SDHC: variants seen among roughly 807,000 people sequenced by gnomAD.
SDHC encodes succinate dehydrogenase complex subunit C, also known as succinate dehydrogenase cytochrome b560 subunit, mitochondrial.
Under a neutral mutation model 22.6 loss-of-function variants are expected in SDHC, and 11 were observed. The observed-to-expected ratio is 0.49, with a 90% CI of 0.31 to 0.81. The LOEUF is 0.81. SDHC is among the 30% of genes least tolerant of loss of function. SDHC has a pLI of 0.05. For synonymous variants in SDHC, 80 were observed against 77.8 expected (o/e 1.03, Z -0.15); for missense variants, 160 against 212.0 (o/e 0.75, Z 1.52).
At chr1:161,358,842 C>T (rs528977952) in intron 5 of SDHC, among the ~76,000 whole-genome samples, 2 of 149,730 alleles carry the variant, frequency 1.3e-5, no homozygotes, top group South Asian at 4.3e-4. Flanking sequence ...AGGAGACTTG[C>T]TTGAACCCGG....
chr1:161,330,826 C>A (rs1045478709), intron 3 of SDHC, among the ~76,000 whole-genome samples: 2 of 151,864 alleles, frequency 1.3e-5, no homozygotes, highest in African/African-American at 4.8e-5. Flanking sequence ...ATGGTGAAAC[C>A]CTGTCTCTAC....
intron 4 of SDHC, among the ~76,000 whole-genome samples, chr1:161,346,000 C>T (rs1443682707): frequency 2.0e-5 from 3 of 151,358 alleles, no homozygotes; most frequent in Non-Finnish European, 2.9e-5. Flanking sequence ...GAGACAGGGT[C>T]TCACTATTTG....
intron 2 of SDHC, among the ~76,000 whole-genome samples, chr1:161,325,862 A>C (rs1435801498): frequency 6.6e-6 from 1 of 152,166 alleles, no homozygotes; most frequent in Non-Finnish European, 1.5e-5. Flanking sequence ...CCCAACAAGA[A>C]GTTGTGCTTT....
At chr1:161,333,332 A>G (rs1671352116) in intron 3 of SDHC, among the ~76,000 whole-genome samples, 1 of 150,282 alleles carries the variant, frequency 6.7e-6, no homozygotes, top group South Asian at 2.1e-4. Flanking sequence ...GTGTGCACAT[A>G]TGTTTCATTT....
At chr1:161,322,387 T>A (rs981505921) in intron 1 of SDHC, among the ~76,000 whole-genome samples, 3 of 152,000 alleles carry the variant, frequency 2.0e-5, no homozygotes, top group Non-Finnish European at 4.4e-5. Flanking sequence ...TCAGTAAAAA[T>A]TTTTTTTATT....
intron 2 of SDHC, among the ~76,000 whole-genome samples, chr1:161,328,001 C>G (rs1392542187): frequency 3.4e-5 from 5 of 147,430 alleles, no homozygotes; most frequent in African/African-American, 1.0e-4. Context: ...TAAAAAGATA[C>G]TGCAAATTTT....
At chr1:161,351,521 T>G (rs566062976) in intron 4 of SDHC, among the ~76,000 whole-genome samples, 1 of 152,352 alleles carries the variant, frequency 6.6e-6, no homozygotes, top group Non-Finnish European at 1.5e-5. Context: ...ATAGTTAATC[T>G]TATACCTCTC....
intron 4 of SDHC, among the ~76,000 whole-genome samples, chr1:161,356,246 C>T (rs1044762704): frequency 6.6e-6 from 1 of 151,934 alleles, no homozygotes; most frequent in Non-Finnish European, 1.5e-5. Context: ...TTTAAATCTT[C>T]TCCTTTTCAA....
At chr1:161,319,948 G>T (rs945154352) in intron 1 of SDHC, among the ~76,000 whole-genome samples, 2 of 152,180 alleles carry the variant, frequency 1.3e-5, no homozygotes, top group African/African-American at 4.8e-5. Flanking sequence ...TGTGAAGTGC[G>T]TTGTTTGCCC....
At chr1:161,331,778 G>T (rs577801716) in intron 3 of SDHC, among the ~76,000 whole-genome samples, 3 of 150,656 alleles carry the variant, frequency 2.0e-5, no homozygotes, top group African/African-American at 7.3e-5. Flanking sequence ...TGTATTTTTC[G>T]TAGAGACGGG....
rs146225427 is a variant in SDHC at position 161,336,228 on chromosome 1, G to T, written c.180-4366G>T. On this transcript the variant is annotated intron_variant, in intron 3 of 5. Transcript: ENST00000367975. ...AATCCCAGCACTTTGAGATGCCAAGGTGGGTGGATCATGAGGTCAAGAGAT... is the reference window on the plus strand; with the variant it reads ...AATCCCAGCACTTTGAGATGCCAAGTTGGGTGGATCATGAGGTCAAGAGAT... 6.7e-3 allele frequency among the ~76,000 whole-genome samples: 1,023 copies of T among 152,284 alleles called. 5 individuals are homozygous for T. Among genetic ancestry groups the T allele is most frequent in the African/African-American group, 0.023 (965 of 41,558 alleles).
chr1:161,323,250 G>A (rs1320464540), intron 1 of SDHC, among the ~76,000 whole-genome samples: 8 of 151,566 alleles, frequency 5.3e-5, no homozygotes, highest in East Asian at 2.0e-4. Flanking sequence ...CGTCCGCCTC[G>A]GCCTCCCAAA....
At chr1:161,361,842 C>CAAAAAA (rs35337467) in intron 5 of SDHC, among the ~76,000 whole-genome samples, 14 of 54,794 alleles carry the variant, frequency 2.6e-4, no homozygotes, top group East Asian at 1.3e-3. Context: ...GAGTCCGTCT[C>CAAAAAA]AAAAAAAAAA....
intron 2 of SDHC, among the ~76,000 whole-genome samples, chr1:161,324,663 TGTA>T (rs527363520): frequency 9.0e-4 from 137 of 152,320 alleles, no homozygotes; most frequent in Non-Finnish European, 1.7e-3. Context: ...AATGATTTAG[TGTA>T]GTTCAGCCGA....
intron 4 of SDHC, among the ~76,000 whole-genome samples, chr1:161,340,886 C>T (rs1043100785): frequency 1.3e-5 from 2 of 152,112 alleles, no homozygotes; most frequent in Non-Finnish European, 2.9e-5. Context: ...CTCTTTTGCC[C>T]AGGCTGGAGT....
intron 4 of SDHC, among the ~76,000 whole-genome samples, chr1:161,352,980 GA>G (rs935328794): frequency 2.7e-5 from 4 of 150,020 alleles, no homozygotes; most frequent in African/African-American, 7.3e-5. Context: ...CCGTCTCAAA[GA>G]AAAAAAAAGA....
intron 4 of SDHC, 136 bp from the exon 5 acceptor site, chr1:161,356,541 G>GA: frequency 1.0e-6 from 1 of 967,648 alleles, no homozygotes. Flanking sequence ...TCTGTCTCAA[G>GA]AAAAAAAGAA....
At chr1:161,317,049 C>T (rs1332684052) in intron 1 of SDHC, among the ~76,000 whole-genome samples, 5 of 144,678 alleles carry the variant, frequency 3.5e-5, no homozygotes, top group Non-Finnish European at 7.5e-5. Flanking sequence ...GACGGAGTCT[C>T]GGTCTGTCAC....
chr1:161,320,614 A>G (rs186549246), intron 1 of SDHC, among the ~76,000 whole-genome samples: 5 of 152,230 alleles, frequency 3.3e-5, no homozygotes, highest in African/African-American at 1.2e-4. Flanking sequence ...AAAGAATGTG[A>G]TGCAAATTCT....
Sources: allele counts gnomAD v4.1 joint callset (sites outside exome capture counted in the v4.1 genomes callset), GRCh38; gene constraint gnomAD v4.1.1; transcripts MANE v1.5; gene names NCBI Gene and HGNC (gene_info 2026-07-23, HGNC 2026-07-21).